Variants in HCN1 observed in about 807,000 individuals in gnomAD.
HCN1 encodes hyperpolarization activated cyclic nucleotide gated potassium channel 1, also known as potassium/sodium hyperpolarization-activated cyclic nucleotide-gated channel 1.
Under a neutral mutation model 78.9 loss-of-function variants are expected in HCN1, and 13 were observed. That is an observed-to-expected ratio of 0.16 (90% CI 0.11 to 0.26). HCN1 has a LOEUF of 0.26. Ranked by LOEUF, HCN1 falls within the 10% of genes least tolerant of loss-of-function variation. The pLI, the probability that HCN1 is intolerant of heterozygous loss-of-function variation, is 1.00. For synonymous variants in HCN1, 552 were observed against 455.5 expected, an observed-to-expected ratio of 1.21 and a Z score of -2.70; for missense variants, 810 against 1,154.3, an observed-to-expected ratio of 0.70 and a Z score of 4.32.
At chr5:45,563,876 A>G (rs1052864695) in intron 2 of HCN1, among the ~76,000 whole-genome samples, 1 of 152,156 alleles carries the variant, frequency 6.6e-6, no homozygotes, top group East Asian at 1.9e-4. Flanking sequence ...TCCACTTCCT[A>G]TTTTTGAAGA....
At chr5:45,638,035 G>C (rs879191118) in intron 2 of HCN1, among the ~76,000 whole-genome samples, 2 of 152,136 alleles carry the variant, frequency 1.3e-5, no homozygotes, top group Admixed American at 1.3e-4. Context: ...GCTTGGACTA[G>C]GATGGTGATA....
chr5:45,262,492 G>C lies in HCN1; in HGVS notation c.2102C>G (p.Thr701Ser). The C allele has an allele frequency of 6.2e-7, 1 of 1,613,634 alleles. No homozygotes were observed. Among genetic ancestry groups the C allele is most frequent in the South Asian group, 1.1e-5 (1 of 91,058 alleles). The change falls in exon 8 of 8, where the codon ACC becomes AGC. Residue 701 changes from threonine to serine, a missense_variant. Transcript: ENST00000303230. ...CTGTACAGGAGGGCTGCAGACCGCG[G>C]TGGTGTAGGAGCAGGGTGACAGGAT... Reference protein sequence around the residue: ...SAILSPCSYTTAVCSPPVQSP... With the variant: ...SAILSPCSYTSAVCSPPVQSP...
chr5:45,669,051 G>C (rs921552124), intron 1 of HCN1, among the ~76,000 whole-genome samples: 1 of 151,762 alleles, frequency 6.6e-6, no homozygotes, highest in African/African-American at 2.4e-5. Context: ...AATTCCTCCT[G>C]TTCTAGGTCT....
chr5:45,353,708 C>T (rs1444998705), intron 4 of HCN1, among the ~76,000 whole-genome samples: 5 of 151,858 alleles, frequency 3.3e-5, no homozygotes, highest in Admixed American at 6.6e-5. Flanking sequence ...AATTTGGAAT[C>T]GACAGGCAGG....
At chr5:45,418,747 T>A (rs959121184) in intron 3 of HCN1, among the ~76,000 whole-genome samples, 1 of 152,124 alleles carries the variant, frequency 6.6e-6, no homozygotes, top group Non-Finnish European at 1.5e-5. Flanking sequence ...CTTAAGGATG[T>A]CAGATATCTG....
chr5:45,589,855 T>C (rs1744324083), intron 2 of HCN1, among the ~76,000 whole-genome samples: 1 of 152,222 alleles, frequency 6.6e-6, no homozygotes, highest in Non-Finnish European at 1.5e-5. Flanking sequence ...ACAAGTTGTC[T>C]AAAGGTGACA....
chr5:45,374,829 G>T (rs1747568247), intron 4 of HCN1, among the ~76,000 whole-genome samples: 1 of 146,322 alleles, frequency 6.8e-6, no homozygotes, highest in Non-Finnish European at 1.5e-5. Context: ...TAGATAGATA[G>T]ATATCTTTTT....
chr5:45,596,063 T>C (rs977999767), intron 2 of HCN1, among the ~76,000 whole-genome samples: 2 of 144,752 alleles, frequency 1.4e-5, no homozygotes, highest in African/African-American at 5.3e-5. Flanking sequence ...ACCCGGCTAA[T>C]TTTTTTTTGT....
chr5:45,323,272 C>T (rs1746161059), intron 5 of HCN1, among the ~76,000 whole-genome samples: 1 of 151,684 alleles, frequency 6.6e-6, no homozygotes, highest in African/African-American at 2.4e-5. Flanking sequence ...GAATGATGTT[C>T]TTATATTGAT....
intron 5 of HCN1, among the ~76,000 whole-genome samples, chr5:45,325,431 A>G (rs1746216596): frequency 6.6e-6 from 1 of 151,772 alleles, no homozygotes; most frequent in Non-Finnish European, 1.5e-5. Context: ...ATGATTGTAA[A>G]TAATAAAATA....
At chr5:45,538,172 T>C (rs1743010034) in intron 2 of HCN1, among the ~76,000 whole-genome samples, 1 of 152,192 alleles carries the variant, frequency 6.6e-6, no homozygotes, top group Non-Finnish European at 1.5e-5. Context: ...TAAGAAGTGA[T>C]CTTCTAATTC....
At chr5:45,690,801 C>T (rs1739895570) in intron 1 of HCN1, among the ~76,000 whole-genome samples, 1 of 151,990 alleles carries the variant, frequency 6.6e-6, no homozygotes, top group South Asian at 2.1e-4. Context: ...GTCACAGACC[C>T]TGCAAATGCT....
chr5:45,311,306 A>G (rs1181022230), intron 5 of HCN1, among the ~76,000 whole-genome samples: 2 of 152,222 alleles, frequency 1.3e-5, no homozygotes, highest in Non-Finnish European at 2.9e-5. Context: ...CATAATTTAT[A>G]TAGCATCAAT....
intron 2 of HCN1, among the ~76,000 whole-genome samples, chr5:45,618,039 G>A (rs1237479045): frequency 1.3e-5 from 2 of 151,990 alleles, no homozygotes; most frequent in African/African-American, 4.8e-5. Context: ...TACTAGAAGA[G>A]GCAGAACACA....
At chr5:45,484,580 G>A (rs1741721944) in intron 2 of HCN1, among the ~76,000 whole-genome samples, 2 of 151,986 alleles carry the variant, frequency 1.3e-5, no homozygotes, top group Admixed American at 6.6e-5. Flanking sequence ...TGAGGTCATC[G>A]GCAGTTATCT....
intron 5 of HCN1, among the ~76,000 whole-genome samples, chr5:45,314,070 C>A (rs1485183638): frequency 6.6e-6 from 1 of 152,020 alleles, no homozygotes; most frequent in Non-Finnish European, 1.5e-5. Context: ...TCAGATTCAC[C>A]AAAGTTGAAA....
intron 2 of HCN1, among the ~76,000 whole-genome samples, chr5:45,508,700 A>AT (rs1378187392): frequency 1.3e-5 from 2 of 152,128 alleles, no homozygotes; most frequent in Non-Finnish European, 2.9e-5. Context: ...CTGTGATGTA[A>AT]TATCAACCAA....
intron 2 of HCN1, among the ~76,000 whole-genome samples, chr5:45,463,848 C>T (rs376645273): frequency 2.0e-5 from 3 of 152,030 alleles, no homozygotes; most frequent in South Asian, 2.1e-4. Context: ...ATAAAGACTG[C>T]GTTTTGTTGG....
chr5:45,472,350 A>AAC (rs1741407767), intron 2 of HCN1, among the ~76,000 whole-genome samples: 1 of 151,904 alleles, frequency 6.6e-6, no homozygotes, highest in Admixed American at 6.6e-5. Flanking sequence ...TTAACTCTGT[A>AAC]AAAGTGTTTA....
Sources: gnomAD v4.1 joint callset for allele counts (sites outside exome capture counted in the v4.1 genomes callset) on GRCh38, gnomAD v4.1.1 for gene constraint, MANE v1.5 for transcripts, NCBI Gene and HGNC (gene_info 2026-07-23, HGNC 2026-07-21) for gene names.